The following WDR27 variants were observed in gnomAD, a reference collection of about 807,000 sequenced individuals.
WDR27 encodes the protein WD repeat-containing protein 27.
WDR27 carries 100 observed loss-of-function variants against 114.4 expected under a neutral mutation model. That is an observed-to-expected ratio of 0.87 (90% CI 0.74 to 1.03). The LOEUF (loss-of-function observed/expected upper bound fraction) is 1.03, where lower values mean the gene tolerates loss of function less well. Among genes scored for constraint, WDR27 ranks in the 50% least tolerant of loss-of-function variants. WDR27 has a pLI of 0.00. For synonymous variants in WDR27, 449 were observed against 423.1 expected (o/e 1.06, Z -0.75); for missense variants, 1,129 against 1,092.9 (o/e 1.03, Z -0.47).
intron 1 of WDR27, among the ~76,000 whole-genome samples, chr6:169,690,629 T>C (rs1784239575): frequency 6.6e-6 from 1 of 152,134 alleles, no homozygotes; most frequent in African/African-American, 2.4e-5. Flanking sequence ...CATGGATCCA[T>C]GGCCAGACTG....
At chr6:169,662,251 A>C in intron 9 of WDR27, 53 bp downstream of exon 9, 6 of 1,584,522 alleles carry the variant, frequency 3.8e-6, no homozygotes, top group East Asian at 4.5e-5. Flanking sequence ...TGTTCATCTA[A>C]GGAATTTAAG....
the WDR27 span, among the ~76,000 whole-genome samples, chr6:169,436,372 A>G: frequency 6.6e-6 from 1 of 152,172 alleles, no homozygotes; most frequent in Non-Finnish European, 1.5e-5. Context: ...CCAGCTTAAA[A>G]GCAAAATAAT....
chr6:169,658,213 C>A (rs1379113419), intron 13 of WDR27, 63 bp downstream of exon 13: 1 of 1,320,954 alleles, frequency 7.6e-7, no homozygotes, highest in Admixed American at 2.0e-5. Flanking sequence ...AATGCAGCAG[C>A]CCTAACCACA....
intron 14 of WDR27, among the ~76,000 whole-genome samples, chr6:169,649,848 T>TC (rs772231360): frequency 3.1e-5 from 4 of 127,028 alleles, no homozygotes; most frequent in African/African-American, 9.2e-5. Flanking sequence ...TCTCCATCCA[T>TC]CCCCCCCATC....
intron 25 of WDR27, among the ~76,000 whole-genome samples, chr6:169,528,299 G>A (rs1795182788): frequency 6.6e-6 from 1 of 152,056 alleles, no homozygotes; most frequent in Non-Finnish European, 1.5e-5. Context: ...CTTAAACAGT[G>A]GATAAACAAA....
At chr6:169,596,565 G>C (rs941783808) in intron 23 of WDR27, among the ~76,000 whole-genome samples, 8 of 151,550 alleles carry the variant, frequency 5.3e-5, no homozygotes, top group Non-Finnish European at 1.2e-4. Context: ...CATTTTTATG[G>C]TGTACTCTTG....
intron 25 of WDR27, among the ~76,000 whole-genome samples, chr6:169,569,567 T>C (rs1801036288): frequency 6.6e-6 from 1 of 152,210 alleles, no homozygotes; most frequent in African/African-American, 2.4e-5. Context: ...AACATAAATA[T>C]GGTGAATTTT....
chr6:169,428,412 C>G, the WDR27 span, among the ~76,000 whole-genome samples: 1 of 152,162 alleles, frequency 6.6e-6, no homozygotes, highest in South Asian at 2.1e-4. Context: ...TAACACAGTT[C>G]TAAATTTGTT....
At chr6:169,666,617 T>C (rs1827894610) in intron 6 of WDR27, 1 of 985,614 alleles carries the variant, frequency 1.0e-6, no homozygotes, top group Non-Finnish European at 1.2e-6. Flanking sequence ...GCCTGCACCA[T>C]CAATGCTGTA....
chr6:169,672,303 A>G lies in WDR27; in HGVS notation c.283T>C (p.Tyr95His), dbSNP rs776412589. ...PLLICSASLD[Y>H]VIMWNLDECR... ...TCATCCAGGTTCCACATTATAACATAATCCAGTGATGCTGAGCAGATTAGA... is the reference window on the plus strand; with the variant it reads ...TCATCCAGGTTCCACATTATAACATGATCCAGTGATGCTGAGCAGATTAGA... Residue 95 changes from tyrosine (Y) to histidine (H), a missense_variant, in exon 3 of 26, where the codon TAT becomes CAT. Tyr to His is a moderately conservative substitution (Grantham distance 83, BLOSUM62 2). Transcript: ENST00000448612. 1.5e-5 allele frequency: 25 copies of G among 1,613,726 alleles called. No homozygotes were observed. The South Asian group carries it at 2.5e-4, about 16-fold the overall frequency.
chr6:169,696,467 CAT>C (rs1468212329), intron 1 of WDR27, among the ~76,000 whole-genome samples: 5 of 152,206 alleles, frequency 3.3e-5, no homozygotes, highest in South Asian at 2.1e-4. Context: ...CGTGCACACA[CAT>C]GTATGCCTGC....
At chr6:169,608,240 GA>G (rs1809681552) in intron 22 of WDR27, among the ~76,000 whole-genome samples, 1 of 152,072 alleles carries the variant, frequency 6.6e-6, no homozygotes, top group Admixed American at 6.6e-5. Flanking sequence ...CTACCCAAAG[GA>G]AAATAAGTCA....
At chr6:169,694,828 T>C (rs1229819822) in intron 1 of WDR27, among the ~76,000 whole-genome samples, 2 of 152,256 alleles carry the variant, frequency 1.3e-5, no homozygotes, top group African/African-American at 2.4e-5. Context: ...CCTCCCACCG[T>C]TGCAGGGCGC....
At chr6:169,662,691 A>G (rs1826600481) in intron 8 of WDR27, among the ~76,000 whole-genome samples, 1 of 146,122 alleles carries the variant, frequency 6.8e-6, no homozygotes, top group Non-Finnish European at 1.5e-5. Flanking sequence ...TGTCGAGGAA[A>G]GCACTAGGGT....
At chr6:169,509,753 T>C (rs1792535058) in intron 25 of WDR27, among the ~76,000 whole-genome samples, 1 of 152,090 alleles carries the variant, frequency 6.6e-6, no homozygotes, top group Admixed American at 6.6e-5. Context: ...CCAAAAGCAG[T>C]GGCAACAAAA....
intron 25 of WDR27, among the ~76,000 whole-genome samples, chr6:169,473,874 G>A (rs970301636): frequency 1.3e-5 from 2 of 152,202 alleles, no homozygotes; most frequent in South Asian, 4.1e-4. Flanking sequence ...GCAACAAAAA[G>A]CTGGGATCTC....
At chr6:169,650,078 C>T (rs1005385208) in intron 14 of WDR27, among the ~76,000 whole-genome samples, 1 of 149,242 alleles carries the variant, frequency 6.7e-6, no homozygotes, top group Non-Finnish European at 1.5e-5. Flanking sequence ...TCTACTCATC[C>T]ATCTCTCATC....
the WDR27 span, among the ~76,000 whole-genome samples, chr6:169,443,460 G>A: frequency 9.2e-5 from 14 of 152,332 alleles, no homozygotes; most frequent in African/African-American, 2.6e-4. Flanking sequence ...GTACACATTA[G>A]TGGTGCTGTG....
chr6:169,493,901 A>T (rs1790086040), intron 25 of WDR27, among the ~76,000 whole-genome samples: 1 of 152,196 alleles, frequency 6.6e-6, no homozygotes, highest in Non-Finnish European at 1.5e-5. Context: ...CTCTTACCTC[A>T]GTTGATAATA....
Sources: gnomAD v4.1 joint callset for allele counts (sites outside exome capture counted in the v4.1 genomes callset) on GRCh38, gnomAD v4.1.1 for gene constraint, MANE v1.5 for transcripts, NCBI Gene and HGNC (gene_info 2026-07-23, HGNC 2026-07-21) for gene names.